The following DOCK3 variants were observed in gnomAD, a reference collection of about 807,000 sequenced individuals.
DOCK3 encodes dedicator of cytokinesis 3, also known as dedicator of cytokinesis protein 3.
A neutral mutation model predicts 265.6 loss-of-function variants in DOCK3; 60 were observed. That is an observed-to-expected ratio of 0.23 (90% CI 0.18 to 0.28). The LOEUF (loss-of-function observed/expected upper bound fraction) is 0.28, where lower values mean the gene tolerates loss of function less well. Among genes scored for constraint, DOCK3 ranks in the 10% least tolerant of loss-of-function variants. DOCK3 has a pLI of 1.00. For synonymous variants in DOCK3, 881 were observed against 938.0 expected, an observed-to-expected ratio of 0.94 and a Z score of 1.11; for missense variants, 1,981 against 2,594.3, an observed-to-expected ratio of 0.76 and a Z score of 5.14.
chr3:50,820,230 A>G (rs1434478039), intron 2 of DOCK3, among the ~76,000 whole-genome samples: 1 of 151,994 alleles, frequency 6.6e-6, no homozygotes, highest in Non-Finnish European at 1.5e-5. Flanking sequence ...CTGTTGGCTC[A>G]CTCTTAAATT....
intron 4 of DOCK3, among the ~76,000 whole-genome samples, chr3:50,892,283 A>G (rs866877572): frequency 2.0e-5 from 3 of 152,196 alleles, no homozygotes; most frequent in African/African-American, 7.2e-5. Context: ...GTAGTCTTTC[A>G]TGACATCAGC....
At chr3:50,841,833 T>C in intron 3 of DOCK3, 118 bp downstream of exon 3, 1 of 245,338 alleles carries the variant, frequency 4.1e-6, no homozygotes. Flanking sequence ...CCACAATGAT[T>C]CTTTCCTTTA....
intron 5 of DOCK3, among the ~76,000 whole-genome samples, chr3:51,038,873 T>A (rs1311268307): frequency 1.3e-5 from 2 of 148,564 alleles, no homozygotes; most frequent in Non-Finnish European, 3.0e-5. Flanking sequence ...TGTATTCTAG[T>A]TTTTTTTTTG....
At chr3:50,786,494 T>G (rs1335679038) in intron 2 of DOCK3, among the ~76,000 whole-genome samples, 1 of 152,152 alleles carries the variant, frequency 6.6e-6, no homozygotes, top group Non-Finnish European at 1.5e-5. Flanking sequence ...ACGCCCACCA[T>G]TTCTTTCTTT....
intron 4 of DOCK3, chr3:50,900,606 G>C: frequency 2.5e-6 from 1 of 395,546 alleles, no homozygotes; most frequent in Non-Finnish European, 4.9e-6. Flanking sequence ...CCTCATCTTC[G>C]TGGATTTATC....
At chr3:51,288,969 GAGAC>G (rs1294980562) in intron 27 of DOCK3, among the ~76,000 whole-genome samples, 1 of 151,698 alleles carries the variant, frequency 6.6e-6, no homozygotes, top group African/African-American at 2.4e-5. Context: ...AGGAAGTAAA[GAGAC>G]AGAGGAAAGG....
intron 5 of DOCK3, among the ~76,000 whole-genome samples, chr3:51,052,721 A>G (rs921536235): frequency 5.3e-5 from 8 of 152,104 alleles, no homozygotes; most frequent in Non-Finnish European, 8.8e-5. Flanking sequence ...GGTAGCAACT[A>G]TCATTTCTGC....
At chr3:51,118,170 T>C (rs1432844044) in intron 9 of DOCK3, among the ~76,000 whole-genome samples, 5 of 152,232 alleles carry the variant, frequency 3.3e-5, no homozygotes, top group Non-Finnish European at 7.3e-5. Flanking sequence ...TTTGTTCTCA[T>C]TGGTCTCATG....
At chr3:51,278,795 A>G (rs996627623) in intron 26 of DOCK3, among the ~76,000 whole-genome samples, 1 of 152,194 alleles carries the variant, frequency 6.6e-6, no homozygotes, top group African/African-American at 2.4e-5. Context: ...GATAATAACT[A>G]TAATTTATTC....
intron 1 of DOCK3, among the ~76,000 whole-genome samples, chr3:50,751,684 A>G (rs2039819348): frequency 6.6e-6 from 1 of 152,188 alleles, no homozygotes; most frequent in Non-Finnish European, 1.5e-5. Context: ...CCCCATATAT[A>G]TTAGTCCATT....
At chr3:51,274,766 A>G (rs1395439793) in intron 24 of DOCK3, among the ~76,000 whole-genome samples, 1 of 152,112 alleles carries the variant, frequency 6.6e-6, no homozygotes, top group Non-Finnish European at 1.5e-5. Context: ...GGGTGACAGA[A>G]TGAGACCCTG....
At chr3:51,241,601 C>T (rs557549036) in intron 21 of DOCK3, among the ~76,000 whole-genome samples, 4 of 152,266 alleles carry the variant, frequency 2.6e-5, no homozygotes, top group South Asian at 4.1e-4. Context: ...CCATATTCCT[C>T]GGAGGTTTTG....
intron 5 of DOCK3, among the ~76,000 whole-genome samples, chr3:50,977,083 T>C (rs1265523468): frequency 2.0e-5 from 3 of 150,616 alleles, no homozygotes; most frequent in African/African-American, 4.8e-5. Context: ...CTGATGGGTC[T>C]TGACTCTTTA....
chr3:50,958,150 GT>G (rs999460071), intron 5 of DOCK3, among the ~76,000 whole-genome samples: 7 of 152,114 alleles, frequency 4.6e-5, no homozygotes, highest in African/African-American at 1.7e-4. Context: ...ATAAGATTTA[GT>G]TTGTTTCTTC....
At chr3:50,829,389 G>T (rs1197396155) in intron 2 of DOCK3, among the ~76,000 whole-genome samples, 1 of 152,150 alleles carries the variant, frequency 6.6e-6, no homozygotes, top group Non-Finnish European at 1.5e-5. Context: ...GGGTTTCTTG[G>T]AATCCTGTAT....
At chr3:51,090,186 A>T in intron 8 of DOCK3, 44 bp from the exon 9 acceptor site, 1 of 1,511,704 alleles carries the variant, frequency 6.6e-7, no homozygotes, top group Non-Finnish European at 8.8e-7. Flanking sequence ...CAATATAAAA[A>T]ATAACTAAAA....
At chr3:51,257,405 T>C (rs891871053) in intron 22 of DOCK3, among the ~76,000 whole-genome samples, 1 of 152,194 alleles carries the variant, frequency 6.6e-6, no homozygotes, top group African/African-American at 2.4e-5. Context: ...CATAACCTTA[T>C]CTCCTTTTAC....
chr3:50,808,966 GAT>G (rs1404225457), intron 2 of DOCK3, among the ~76,000 whole-genome samples: 1 of 152,168 alleles, frequency 6.6e-6, no homozygotes, highest in East Asian at 1.9e-4. Flanking sequence ...ATTCCAAGTA[GAT>G]GGTAGAACTG....
At chr3:50,896,847 G>A (rs555161121) in intron 4 of DOCK3, among the ~76,000 whole-genome samples, 1 of 152,026 alleles carries the variant, frequency 6.6e-6, no homozygotes, top group Non-Finnish European at 1.5e-5. Flanking sequence ...CCATTGGTCT[G>A]TATATCTGTT....
Sources: allele counts gnomAD v4.1 joint callset (sites outside exome capture counted in the v4.1 genomes callset), GRCh38; gene constraint gnomAD v4.1.1; transcripts MANE v1.5; gene names NCBI Gene and HGNC (gene_info 2026-07-23, HGNC 2026-07-21).